MCF2L2: variants seen among roughly 807,000 people sequenced by gnomAD.
The protein encoded by MCF2L2 is MCF.2 cell line derived transforming sequence-like 2, also known as probable guanine nucleotide exchange factor MCF2L2.
MCF2L2 carries 102 observed loss-of-function variants against 150.2 expected under a neutral mutation model. That is an observed-to-expected ratio of 0.68 (90% CI 0.58 to 0.80). The LOEUF (loss-of-function observed/expected upper bound fraction) is 0.80. MCF2L2 is among the 30% of genes least tolerant of loss of function. MCF2L2 has a pLI of 0.00. For missense variants in MCF2L2, 1,256 were observed against 1,372.8 expected (o/e 0.91, Z 1.34); for synonymous variants, 465 against 491.3 (o/e 0.95, Z 0.71).
chr3:183,209,592 G>A (rs1010951041), intron 22 of MCF2L2, among the ~76,000 whole-genome samples: 1 of 152,062 alleles, frequency 6.6e-6, no homozygotes, highest in African/African-American at 2.4e-5. Context: ...GAGTTCAAGG[G>A]ACTCTCCTGC....
intron 14 of MCF2L2, among the ~76,000 whole-genome samples, chr3:183,282,270 C>T (rs1727536310): frequency 6.6e-6 from 1 of 151,130 alleles, no homozygotes; most frequent in Admixed American, 6.6e-5. Flanking sequence ...GCTCTGCCTC[C>T]CTGGTTCATG....
intron 21 of MCF2L2, among the ~76,000 whole-genome samples, chr3:183,216,559 TA>T (rs1722928222): frequency 8.6e-4 from 3 of 3,492 alleles, no homozygotes; most frequent in East Asian, 9.1e-3. Flanking sequence ...ATATTATATA[TA>T]TATATATATA....
At chr3:183,347,399 A>G (rs1231367493) in intron 3 of MCF2L2, among the ~76,000 whole-genome samples, 1 of 152,212 alleles carries the variant, frequency 6.6e-6, no homozygotes, top group East Asian at 1.9e-4. Context: ...TTATACAAAA[A>G]TTAACTCAAG....
intron 3 of MCF2L2, chr3:183,374,148 T>TCTG (rs1232706940): frequency 6.5e-6 from 1 of 152,866 alleles, no homozygotes; most frequent in Non-Finnish European, 1.5e-5. Context: ...TGCTCCTCAC[T>TCTG]CTGCTCCTCA....
chr3:183,232,882 G>A (rs897740227), intron 15 of MCF2L2, among the ~76,000 whole-genome samples: 30 of 152,234 alleles, frequency 2.0e-4, no homozygotes, highest in African/African-American at 6.5e-4. Context: ...GGTAAAATGT[G>A]TAAATTTGTG....
Position 183,272,437 on chromosome 3 carries a change from G to A in MCF2L2, c.1862+4435C>T, listed in dbSNP as rs575698329. 346 of 999,870 alleles carry A rather than the reference G, an allele frequency of 3.5e-4. 1 individual carries two copies. The Middle Eastern group carries it at 7.3e-3, about 21-fold the overall frequency. 61.9% of individuals were successfully genotyped at this position (999,870 alleles called of 1,614,324 possible). ...ATGTCGGAAACACGCAAAACAAAAC[G>A]AAAAAAGATTTCTCAGTATACACAA... is the stretch of plus-strand genomic sequence containing the variant. On this transcript the variant is annotated intron_variant, in intron 15 of 29. Transcript: ENST00000328913.
At chr3:183,255,306 C>T (rs1724942711) in intron 15 of MCF2L2, among the ~76,000 whole-genome samples, 1 of 152,216 alleles carries the variant, frequency 6.6e-6, no homozygotes, top group African/African-American at 2.4e-5. Context: ...GACGTTATAA[C>T]TTTCTCAAAA....
intron 2 of MCF2L2, among the ~76,000 whole-genome samples, chr3:183,388,335 G>C (rs769322931): frequency 4.1e-5 from 4 of 98,720 alleles, no homozygotes; most frequent in Admixed American, 3.6e-4. Context: ...TGGTGGTCTC[G>C]GGGCCTTCTG....
intron 7 of MCF2L2, among the ~76,000 whole-genome samples, chr3:183,312,401 C>T (rs1729419339): frequency 6.6e-6 from 1 of 152,146 alleles, no homozygotes; most frequent in Non-Finnish European, 1.5e-5. Context: ...CTTCCAAAGC[C>T]AACAGCTGTA....
chr3:183,347,957 T>C (rs754426065), intron 3 of MCF2L2, among the ~76,000 whole-genome samples: 1 of 151,906 alleles, frequency 6.6e-6, no homozygotes, highest in Non-Finnish European at 1.5e-5. Context: ...TTGGTAGGAG[T>C]GTAAATTTGT....
intron 3 of MCF2L2, among the ~76,000 whole-genome samples, chr3:183,345,667 T>C (rs1467156986): frequency 1.3e-5 from 2 of 152,092 alleles, no homozygotes; most frequent in East Asian, 3.9e-4. Flanking sequence ...ATAGATAGAT[T>C]GCTAGCCAGA....
chr3:183,191,802 G>A (rs1248112258), intron 27 of MCF2L2, among the ~76,000 whole-genome samples: 1 of 151,968 alleles, frequency 6.6e-6, no homozygotes, highest in African/African-American at 2.4e-5. Context: ...CCAGCATCAC[G>A]ACTGTGCTTT....
chr3:183,409,574 G>A (rs890355111), intron 1 of MCF2L2, among the ~76,000 whole-genome samples: 1 of 125,974 alleles, frequency 7.9e-6, no homozygotes, highest in African/African-American at 3.1e-5. Flanking sequence ...TTTTTTTTGA[G>A]ATGGAGTTTC....
chr3:183,187,176 C>A lies in MCF2L2; in HGVS notation c.3016+5823G>T, dbSNP rs540663975. 5.9e-5 allele frequency among the ~76,000 whole-genome samples: 9 copies of A among 152,080 alleles called. No individual in the cohort carries two copies. In the East Asian group the frequency reaches 1.5e-3, roughly 26 times the overall value. ...ATGAAAGTAACTAAATTATCTAGGC[C>A]CAAAAGGAAATGCCACAAAAATTGG... On this transcript the variant is annotated intron_variant, in intron 27 of 29. Transcript: ENST00000328913.
At chr3:183,209,235 A>G (rs148222121) in intron 22 of MCF2L2, among the ~76,000 whole-genome samples, 1 of 152,368 alleles carries the variant, frequency 6.6e-6, no homozygotes, top group East Asian at 1.9e-4. Flanking sequence ...CATAATCAAT[A>G]TCGACATAAA....
intron 15 of MCF2L2, among the ~76,000 whole-genome samples, chr3:183,232,861 C>A (rs1723622300): frequency 6.6e-6 from 1 of 152,198 alleles, no homozygotes; most frequent in African/African-American, 2.4e-5. Flanking sequence ...GAAAAACCCT[C>A]ACACAATATT....
At chr3:183,310,228 G>A (rs141551589) in intron 9 of MCF2L2, among the ~76,000 whole-genome samples, 7 of 151,968 alleles carry the variant, frequency 4.6e-5, no homozygotes, top group Admixed American at 6.6e-5. Flanking sequence ...TGGGCCGGGC[G>A]CAGTGGCTCA....
At chr3:183,352,504 TAGAG>T (rs1252349552) in intron 3 of MCF2L2, among the ~76,000 whole-genome samples, 4 of 151,988 alleles carry the variant, frequency 2.6e-5, no homozygotes, top group Non-Finnish European at 2.9e-5. Context: ...GCCTGGGCGA[TAGAG>T]AGAGACTTTG....
Position 183,404,842 on chromosome 3 carries a change from G to A in MCF2L2, c.77-15063C>T, listed in dbSNP as rs544495325. On this transcript the variant is annotated intron_variant, in intron 1 of 29. Coordinates refer to ENST00000328913, the MANE Select transcript of MCF2L2 (RefSeq NM_015078.4). ...CTTGCCACTGCACTCTAGCCCAGGC[G>A]ACAGTGCAAGACTCCATCTCAAAAA... Among the ~76,000 whole-genome samples, 8 of 151,900 alleles carry A rather than the reference G, an allele frequency of 5.3e-5. No homozygotes were observed. The East Asian group carries it at 5.8e-4, about 11-fold the overall frequency.
Sources: gnomAD v4.1 joint callset for allele counts (sites outside exome capture counted in the v4.1 genomes callset) on GRCh38, gnomAD v4.1.1 for gene constraint, MANE v1.5 for transcripts, NCBI Gene and HGNC (gene_info 2026-07-23, HGNC 2026-07-21) for gene names.